Variants in NBEA observed in about 807,000 individuals in gnomAD.
The protein encoded by NBEA is lysosomal-trafficking regulator 2.
A neutral mutation model predicts 343.4 loss-of-function variants in NBEA; 44 were observed. The observed-to-expected ratio is 0.13, with a 90% CI of 0.10 to 0.16. The LOEUF (loss-of-function observed/expected upper bound fraction) is 0.16. Ranked by LOEUF, NBEA falls within the 10% of genes least tolerant of loss-of-function variation. The pLI is 1.00. For synonymous variants in NBEA, 1,175 were observed against 1,238.7 expected (o/e 0.95, Z 1.08); for missense variants, 2,555 against 3,631.3 (o/e 0.70, Z 7.62).
At chr13:34,975,996 T>C (rs2060160325) in intron 1 of NBEA, among the ~76,000 whole-genome samples, 2 of 152,140 alleles carry the variant, frequency 1.3e-5, no homozygotes, top group South Asian at 2.1e-4. Flanking sequence ...ACTACAACCA[T>C]TGTGGAAAAC....
At chr13:34,978,144 G>A (rs1419431846) in intron 1 of NBEA, among the ~76,000 whole-genome samples, 2 of 152,108 alleles carry the variant, frequency 1.3e-5, no homozygotes, top group African/African-American at 4.8e-5. Flanking sequence ...ACCTTGGGAT[G>A]GGCATATTCT....
In NBEA at chr13:35,661,095, C is replaced by T. The variant is rs188992768; in HGVS notation, c.8363-3990C>T. 6.9e-3 allele frequency among the ~76,000 whole-genome samples: 1,050 copies of T among 152,240 alleles called. 4 individuals carry two copies. Among genetic ancestry groups the T allele is most frequent in the Middle Eastern group, 0.014 (4 of 294 alleles). ...TGCTTGCTACTCGGCCTCGGCTTTT[C>T]CTTTCCTTTTATGGGACTAAGGCTT... On this transcript the variant is annotated intron_variant, in intron 55 of 58. Transcript: ENST00000379939.
chr13:35,070,149 G>T, intron 9 of NBEA, 44 bp downstream of exon 9: 2 of 1,415,344 alleles, frequency 1.4e-6, no homozygotes, highest in South Asian at 3.2e-5. Flanking sequence ...GTCAGAATTT[G>T]ACAGTATCTT....
chr13:35,166,472 AC>A (rs1435693745), intron 24 of NBEA, among the ~76,000 whole-genome samples: 1 of 152,170 alleles, frequency 6.6e-6, no homozygotes, highest in African/African-American at 2.4e-5. Context: ...ATTATTTATT[AC>A]CTAGACTATC....
At chr13:35,048,488 A>G in intron 4 of NBEA, 75 bp from the exon 5 acceptor site, 6 of 1,357,932 alleles carry the variant, frequency 4.4e-6, no homozygotes, top group Non-Finnish European at 6.0e-6. Flanking sequence ...TTAATCTGCA[A>G]AAGCCATATT....
At chr13:35,044,570 C>G (rs1349433226) in intron 2 of NBEA, among the ~76,000 whole-genome samples, 2 of 151,000 alleles carry the variant, frequency 1.3e-5, no homozygotes, top group African/African-American at 4.9e-5. Flanking sequence ...CATATTTTAC[C>G]TACCTTTCCC....
At chr13:35,484,941 GATAA>G (rs766412159) in intron 41 of NBEA, among the ~76,000 whole-genome samples, 60 of 151,880 alleles carry the variant, frequency 4.0e-4, no homozygotes, top group Non-Finnish European at 7.7e-4. Flanking sequence ...ACTTTCTTTT[GATAA>G]ATAGTTTTAC....
intron 1 of NBEA, among the ~76,000 whole-genome samples, chr13:35,004,127 C>T (rs1193237658): frequency 6.6e-6 from 1 of 152,166 alleles, no homozygotes; most frequent in Non-Finnish European, 1.5e-5. Flanking sequence ...TTTATGGTTG[C>T]ATTAGTATTC....
chr13:35,124,801 GATAT>G (rs1200397786), intron 17 of NBEA, among the ~76,000 whole-genome samples: 1 of 149,886 alleles, frequency 6.7e-6, no homozygotes, highest in East Asian at 2.0e-4. Flanking sequence ...CACATATATG[GATAT>G]ATATACACAC....
intron 51 of NBEA, among the ~76,000 whole-genome samples, 182 bp from the exon 52 acceptor site, chr13:35,649,473 A>T (rs2084411324): frequency 6.6e-6 from 1 of 152,198 alleles, no homozygotes. Context: ...TCTCTGTGCC[A>T]TTCCCCAGTC....
chr13:35,669,621 C>T (rs2085510896), intron 58 of NBEA, among the ~76,000 whole-genome samples: 1 of 152,158 alleles, frequency 6.6e-6, no homozygotes, highest in Non-Finnish European at 1.5e-5. Flanking sequence ...TGTTGTGTTA[C>T]TATTTGTATA....
intron 38 of NBEA, among the ~76,000 whole-genome samples, chr13:35,366,193 G>A (rs1042022624): frequency 6.6e-6 from 1 of 151,334 alleles, no homozygotes; most frequent in African/African-American, 2.4e-5. Flanking sequence ...TCTCCCTGTG[G>A]GTAGATCAAT....
rs187722820 is a variant in NBEA at position 35,184,968 on chromosome 13, A to G, written c.4927+897A>G. Among the ~76,000 whole-genome samples, 41 of 152,262 alleles carry G rather than the reference A, an allele frequency of 2.7e-4. No individual in the cohort carries two copies. The East Asian group carries it at 7.9e-3, about 29-fold the overall frequency. On this transcript the variant is annotated intron_variant, in intron 30 of 58. Coordinates refer to ENST00000379939, the MANE Select transcript of NBEA (RefSeq NM_001385012.1). ...GTGATTAGGTTATGCTGTATGGCACATTGGCCTTTAAGAAATGGTGATTAT... is the reference window on the plus strand; with the variant it reads ...GTGATTAGGTTATGCTGTATGGCACGTTGGCCTTTAAGAAATGGTGATTAT...
At chr13:34,991,229 C>T (rs2060739632) in intron 1 of NBEA, among the ~76,000 whole-genome samples, 1 of 152,196 alleles carries the variant, frequency 6.6e-6, no homozygotes, top group African/African-American at 2.4e-5. Flanking sequence ...ATCTTTATAG[C>T]AATACCCCAC....
intron 39 of NBEA, among the ~76,000 whole-genome samples, chr13:35,437,125 C>G (rs1370115532): frequency 6.6e-6 from 1 of 152,090 alleles, no homozygotes; most frequent in East Asian, 1.9e-4. Flanking sequence ...TATCTTGAGT[C>G]ATTTGATTTT....
chr13:35,190,475 A>G (rs952448789), intron 30 of NBEA, among the ~76,000 whole-genome samples: 1 of 152,080 alleles, frequency 6.6e-6, no homozygotes, highest in Admixed American at 6.6e-5. Flanking sequence ...ACACACACAC[A>G]CAGAGCCTGT....
chr13:35,457,821 A>G (rs1335548382), intron 40 of NBEA, among the ~76,000 whole-genome samples: 1 of 151,660 alleles, frequency 6.6e-6, no homozygotes, highest in East Asian at 1.9e-4. Flanking sequence ...TGTTAGCCGT[A>G]TGGTCTCAAT....
At chr13:35,475,762 C>G in intron 41 of NBEA, 1 of 1,613,854 alleles carries the variant, frequency 6.2e-7, no homozygotes, top group Non-Finnish European at 8.5e-7. Context: ...CCGGATTTTG[C>G]GCGCCGAGAG....
intron 38 of NBEA, among the ~76,000 whole-genome samples, chr13:35,415,987 T>A (rs962470427): frequency 6.6e-5 from 10 of 152,192 alleles, no homozygotes; most frequent in African/African-American, 2.2e-4. Flanking sequence ...TTTTATTCTC[T>A]TTGAAGCAAT....
Sources: gnomAD v4.1 joint callset for allele counts (sites outside exome capture counted in the v4.1 genomes callset) on GRCh38, gnomAD v4.1.1 for gene constraint, MANE v1.5 for transcripts, NCBI Gene and HGNC (gene_info 2026-07-23, HGNC 2026-07-21) for gene names.